GNA11: variants seen among roughly 807,000 people sequenced by gnomAD.
GNA11 encodes the protein guanine nucleotide-binding protein subunit alpha-11.
A neutral mutation model predicts 38.2 loss-of-function variants in GNA11; 8 were observed. The ratio of observed to expected loss-of-function variants is 0.21; its 90% CI spans 0.12 to 0.38. GNA11 has a LOEUF of 0.38. Among genes scored for constraint, GNA11 ranks in the 10% least tolerant of loss-of-function variants. The probability of loss-of-function intolerance (pLI) is 1.00; values close to 1 mark genes in which losing one functional copy is unlikely to be tolerated. For synonymous variants in GNA11, 211 were observed against 221.4 expected, an observed-to-expected ratio of 0.95 and a Z score of 0.42; for missense variants, 268 against 516.3, an observed-to-expected ratio of 0.52 and a Z score of 4.66.
In GNA11 at chr19:3,094,414, C is replaced by T. The variant is rs555668234; in HGVS notation, c.-238C>T. The T allele has an allele frequency of 2.4e-3, 354 of 148,730 alleles. 1 individual carries two copies. Among genetic ancestry groups the T allele is most frequent in the Non-Finnish European group, 3.8e-3 (254 of 66,414 alleles). The allele number at this position is 148,730 out of a possible 1,614,324, so 9.2% of individuals were successfully genotyped here. A position where few individuals can be genotyped will look rare whatever the true frequency, so the allele number is the denominator to read the frequency against. On this transcript the variant is annotated 5_prime_UTR_variant, in exon 1 of 7. Coordinates refer to ENST00000078429, the MANE Select transcript of GNA11 (RefSeq NM_002067.5). This position sits in a 1 kb window ranked among gnomAD's most constrained non-coding sequence, Gnocchi z 6.0. ...CGGCGGCTGCGGTTGGCGGTGGCTG[C>T]GGCGGCGGCGCGGGCTGAGTGCGGC...
chr19:3,094,924 C>A lies in GNA11; in HGVS notation c.136+137C>A. The A allele has an allele frequency of 1.8e-6, 1 of 547,654 alleles. No homozygotes were observed. Among genetic ancestry groups the A allele is most frequent in the Non-Finnish European group, 3.0e-6 (1 of 333,006 alleles). 33.9% of individuals were successfully genotyped at this position (547,654 alleles called of 1,614,324 possible). ...GGTCGCGAGACCCTCCGGGGTCAGC[C>A]CTGCCTGTGCCTTCCCTGCCTGTCC... On this transcript the variant is annotated intron_variant, in intron 1 of 6. Transcript: ENST00000078429. The surrounding 1 kb of genome is among the most constrained non-coding windows in gnomAD (Gnocchi z 6.0).
At chr19:3,115,949 G>A (rs1239111398) in intron 4 of GNA11, among the ~76,000 whole-genome samples, 1 of 148,306 alleles carries the variant, frequency 6.7e-6, no homozygotes, top group Non-Finnish European at 1.5e-5. Context: ...GAGGGGAGGA[G>A]GGGTCGTGGG....
chr19:3,099,399 G>C (rs1048353253), intron 1 of GNA11, among the ~76,000 whole-genome samples: 7 of 152,202 alleles, frequency 4.6e-5, no homozygotes, highest in South Asian at 2.1e-4. Context: ...GGGGCTCTGG[G>C]AAGGCCCACG....
In GNA11 at chr19:3,120,091, C is replaced by T. The variant is rs902062350; in HGVS notation, c.889+732C>T. On this transcript the variant is annotated intron_variant, in intron 6 of 6. Transcript: ENST00000078429. The surrounding 1 kb of genome is among the most constrained non-coding windows in gnomAD (Gnocchi z 5.9). Reference sequence around the variant, plus strand: ...GTGAGGCCCTGGGCAGCTCTGGCGCCCTCATTTCCACCCCGGATCTGTGCT... The same window carrying T: ...GTGAGGCCCTGGGCAGCTCTGGCGCTCTCATTTCCACCCCGGATCTGTGCT... 2.0e-5 allele frequency among the ~76,000 whole-genome samples: 3 copies of T among 152,000 alleles called. No individual in the cohort carries two copies. Among genetic ancestry groups the T allele is most frequent in the Admixed American group, 6.5e-5 (1 of 15,282 alleles).
rs11549609 is a variant in GNA11 at position 3,121,249 on chromosome 19, C to T, written c.*70C>T. Reference sequence around the variant, plus strand: ...TTCCTTCCACGGAGCCTGCGGCTGCCGGGCGGGTGGCGCTGCCGAGTCCGG... The same window carrying T: ...TTCCTTCCACGGAGCCTGCGGCTGCTGGGCGGGTGGCGCTGCCGAGTCCGG... On this transcript the variant is annotated 3_prime_UTR_variant, in exon 7 of 7. Coordinates refer to ENST00000078429, the MANE Select transcript of GNA11 (RefSeq NM_002067.5). 7.4e-3 allele frequency: 9,703 copies of T among 1,307,766 alleles called. 53 individuals carry two copies. Among genetic ancestry groups the T allele is most frequent in the Middle Eastern group, 0.013 (72 of 5,340 alleles). 81.0% of individuals were successfully genotyped at this position (1,307,766 alleles called of 1,614,324 possible).
Position 3,115,973 on chromosome 19 carries a change from AGGGGAGGAGGGGTCATAGGGACTGAGT to A in GNA11, c.605+913_605+939del, listed in dbSNP as rs1421211448. 4.3e-4 allele frequency among the ~76,000 whole-genome samples: 23 copies of A among 53,776 alleles called. 1 individual carries two copies. Among genetic ancestry groups the A allele is most frequent in the African/African-American group, 1.8e-3 (20 of 11,388 alleles). The allele number at this position is 53,776 out of a possible 152,430, so 35.3% of individuals were successfully genotyped here. On this transcript the variant is annotated intron_variant, in intron 4 of 6. Coordinates refer to ENST00000078429, the MANE Select transcript of GNA11 (RefSeq NM_002067.5). ...AGGGGTCGTGGGGACCGAGGCTTTG[AGGGGAGGAGGGGTCATAGGGACTGAGT>A]GGGGAGGAGGGCTCCAGGCTGGGGT...
At position 3,122,782 on chromosome 19, in the gene GNA11, C is replaced by T. The variant is rs921263581; in HGVS notation, c.*1603C>T. ...CCAACCAGCAGTTCCCGCCTGCCTG[C>T]CCGCCACTGTCAGGCCTGCCCTGGC... is the stretch of plus-strand genomic sequence containing the variant. On this transcript the variant is annotated 3_prime_UTR_variant, in exon 7 of 7. Transcript: ENST00000078429. This position sits in a 1 kb window ranked among gnomAD's most constrained non-coding sequence, Gnocchi z 7.7. The T allele has an allele frequency of 3.8e-4, 88 of 233,754 alleles. No individual in the cohort carries two copies. The highest frequency in any genetic ancestry group is 5.5e-4 in the Non-Finnish European group (65 of 118,548). 14.5% of individuals were successfully genotyped at this position (233,754 alleles called of 1,614,324 possible).
At chr19:3,098,945 G>A (rs559659628) in intron 1 of GNA11, among the ~76,000 whole-genome samples, 16 of 152,314 alleles carry the variant, frequency 1.1e-4, no homozygotes, top group Admixed American at 2.6e-4. Flanking sequence ...TGCTTTTCCC[G>A]GGCATGGTCC....
Position 3,120,459 on chromosome 19 carries a change from C to T in GNA11, c.890-530C>T, listed in dbSNP as rs889342467. ...GGCAGGCAGGAGTTACTGGGCGGGT[C>T]GCCTGCATTGTCCAGGGTGGTGGAG... On this transcript the variant is annotated intron_variant, in intron 6 of 6. Transcript: ENST00000078429. The surrounding 1 kb of genome is among the most constrained non-coding windows in gnomAD (Gnocchi z 5.9). 1.3e-5 allele frequency among the ~76,000 whole-genome samples: 2 copies of T among 151,016 alleles called. No individual in the cohort carries two copies. Among genetic ancestry groups the T allele is most frequent in the Non-Finnish European group, 3.0e-5 (2 of 67,630 alleles).
intron 1 of GNA11, among the ~76,000 whole-genome samples, chr19:3,104,445 A>G (rs1297193660): frequency 1.3e-5 from 2 of 152,204 alleles, no homozygotes; most frequent in East Asian, 3.8e-4. Context: ...GGCCTGTGGC[A>G]GGCCCACCAG....
chr19:3,108,920 C>T lies in GNA11; in HGVS notation c.137-1229C>T, dbSNP rs754325993. The stretch of plus-strand genomic sequence containing the variant: ...CAGTTCCTCACCACGTGGGCCTCTC[C>T]GTGAAGCTGCTTGAGGGTCCTCACA... On this transcript the variant is annotated intron_variant, in intron 1 of 6. Coordinates refer to ENST00000078429, the MANE Select transcript of GNA11 (RefSeq NM_002067.5). This position sits in a 1 kb window ranked among gnomAD's most constrained non-coding sequence, Gnocchi z 4.5. Among the ~76,000 whole-genome samples the T allele has an allele frequency of 1.9e-4, 29 of 152,146 alleles. No homozygotes were observed. Among genetic ancestry groups the T allele is most frequent in the Non-Finnish European group, 3.8e-4 (26 of 68,034 alleles).
At chr19:3,102,644 CCAGT>C (rs1390188542) in intron 1 of GNA11, among the ~76,000 whole-genome samples, 2 of 152,196 alleles carry the variant, frequency 1.3e-5, no homozygotes, top group African/African-American at 4.8e-5. Flanking sequence ...AGTTTCCCCT[CCAGT>C]CAATCAGGCG....
chr19:3,114,375 G>A (rs1599304510), intron 3 of GNA11, among the ~76,000 whole-genome samples: 1 of 152,298 alleles, frequency 6.6e-6, no homozygotes, highest in East Asian at 1.9e-4. Context: ...GGCATGAGGG[G>A]AACCAAGGAA....
chr19:3,095,763 C>T lies in GNA11; in HGVS notation c.136+976C>T, dbSNP rs1298613235. ...CTATCTCGGCAGCCTCCCCCGCCCCCTTCCTTAGAGTCCTGGTGGGAGCCA... is the reference window on the plus strand; with the variant it reads ...CTATCTCGGCAGCCTCCCCCGCCCCTTTCCTTAGAGTCCTGGTGGGAGCCA... On this transcript the variant is annotated intron_variant, in intron 1 of 6. Transcript: ENST00000078429. Among the ~76,000 whole-genome samples the T allele has an allele frequency of 3.3e-5, 5 of 152,064 alleles. No individual in the cohort carries two copies. The South Asian group carries it at 1.0e-3, about 32-fold the overall frequency.
At position 3,113,367 on chromosome 19, in the gene GNA11, A is replaced by G. The variant is rs2145318537; in HGVS notation, c.359A>G (p.Lys120Arg). Reference sequence around the variant, plus strand: ...CTGATCCGGGAGGTGGACGTGGAGAAGGTGACCACCTTCGAGCATCAGTAC... The same window carrying G: ...CTGATCCGGGAGGTGGACGTGGAGAGGGTGACCACCTTCGAGCATCAGTAC... Reference protein sequence around the residue: ...ALLIREVDVEKVTTFEHQYVS... With the variant: ...ALLIREVDVERVTTFEHQYVS... Residue 120 changes from lysine to arginine, a missense_variant, in exon 3 of 7, where the codon AAG becomes AGG. This residue lies in a region of GNA11 where 151 missense variants were observed against 254.0 expected (regional missense o/e 0.59). Coordinates refer to ENST00000078429, the MANE Select transcript of GNA11 (RefSeq NM_002067.5). The G allele has an allele frequency of 6.2e-7, 1 of 1,613,404 alleles. No individual in the cohort carries two copies. The highest frequency in any genetic ancestry group is 1.3e-5 in the African/African-American group (1 of 75,066).
At position 3,110,095 on chromosome 19, in the gene GNA11, AG is replaced by A; in HGVS notation, c.137-53del. ...CAGGGTCTGGGTAAGAGGGGGCAGC[AG>A]CACGAGAGTCAGGCCCCGGCTGCCG... On this transcript the variant is annotated intron_variant, in intron 1 of 6. Coordinates refer to ENST00000078429, the MANE Select transcript of GNA11 (RefSeq NM_002067.5). This position sits in a 1 kb window ranked among gnomAD's most constrained non-coding sequence, Gnocchi z 5.4. The A allele has an allele frequency of 7.0e-7, 1 of 1,432,576 alleles. No individual in the cohort carries two copies. Among genetic ancestry groups the A allele is most frequent in the Non-Finnish European group, 9.6e-7 (1 of 1,046,104 alleles). The allele number at this position is 1,432,576 out of a possible 1,614,324, so 88.7% of individuals were successfully genotyped here. A position where few individuals can be genotyped will look rare whatever the true frequency, so the allele number is the denominator to read the frequency against.
At chr19:3,109,851 C>T (rs939470162) in intron 1 of GNA11, among the ~76,000 whole-genome samples, 1 of 152,186 alleles carries the variant, frequency 6.6e-6, no homozygotes, top group East Asian at 1.9e-4. Context: ...GGCCTGAGAC[C>T]GTGTGGTCTT....
intron 2 of GNA11, among the ~76,000 whole-genome samples, chr19:3,113,008 G>T (rs901665396): frequency 6.6e-6 from 1 of 152,188 alleles, no homozygotes; most frequent in African/African-American, 2.4e-5. Context: ...GGTTTGAAGT[G>T]TGTGTGTTCT....
In GNA11 at chr19:3,120,665, G is replaced by A. The variant is rs555436411; in HGVS notation, c.890-324G>A. Among the ~76,000 whole-genome samples the A allele has an allele frequency of 3.3e-5, 5 of 152,306 alleles. No individual in the cohort carries two copies. Among genetic ancestry groups the A allele is most frequent in the African/African-American group, 1.2e-4 (5 of 41,570 alleles). On this transcript the variant is annotated intron_variant, in intron 6 of 6. Transcript: ENST00000078429. This position sits in a 1 kb window ranked among gnomAD's most constrained non-coding sequence, Gnocchi z 5.9. Reference sequence around the variant, plus strand: ...GCCTTCGCAGGGCAGCCATGCCAGAGGCCTGCCCTGGAAGGCTGTGGCTGT... The same window carrying A: ...GCCTTCGCAGGGCAGCCATGCCAGAAGCCTGCCCTGGAAGGCTGTGGCTGT...
Sources: allele counts gnomAD v4.1 joint callset (sites outside exome capture counted in the v4.1 genomes callset), GRCh38; gene constraint gnomAD v4.1.1; regional missense constraint gnomAD v4.1.1; non-coding constraint Gnocchi (gnomAD v3.1); transcripts MANE v1.5; gene names NCBI Gene and HGNC (gene_info 2026-07-23, HGNC 2026-07-21).